ELL: variants seen among roughly 807,000 people sequenced by gnomAD.
ELL encodes the protein elongation factor for RNA polymerase II, also known as RNA polymerase II elongation factor ELL.
ELL carries 18 observed loss-of-function variants against 64.0 expected under a neutral mutation model. That is an observed-to-expected ratio of 0.28 (90% confidence interval 0.19 to 0.42). The LOEUF (loss-of-function observed/expected upper bound fraction) is 0.42. Ranked by LOEUF, ELL falls within the 10% of genes least tolerant of loss-of-function variation. The pLI, the probability that ELL is intolerant of heterozygous loss-of-function variation, is 1.00. For missense variants in ELL, 797 were observed against 870.4 expected, an observed-to-expected ratio of 0.92 and a Z score of 1.06; for synonymous variants, 399 against 376.2, an observed-to-expected ratio of 1.06 and a Z score of -0.70.
At chr19:18,470,183 T>C (rs1975035206) in intron 2 of ELL, among the ~76,000 whole-genome samples, 1 of 152,202 alleles carries the variant, frequency 6.6e-6, no homozygotes, top group Admixed American at 6.5e-5. Context: ...CCACCCCAGG[T>C]CTCTCTCAGT....
chr19:18,470,973 C>A (rs767194820), intron 2 of ELL: 1 of 456,622 alleles, frequency 2.2e-6, no homozygotes, highest in Non-Finnish European at 4.4e-6. Flanking sequence ...CCCTGGGCTG[C>A]ACCTGGAAGC....
chr19:18,477,711 GAA>G (rs1408373550), intron 1 of ELL, among the ~76,000 whole-genome samples: 1 of 152,218 alleles, frequency 6.6e-6, no homozygotes, highest in Non-Finnish European at 1.5e-5. Context: ...AATGCTGAGA[GAA>G]TCTTCTGTCA....
At chr19:18,483,471 T>C (rs1049059973) in intron 1 of ELL, among the ~76,000 whole-genome samples, 16 of 152,078 alleles carry the variant, frequency 1.1e-4, no homozygotes, top group Non-Finnish European at 1.3e-4. Flanking sequence ...TCCGTAGAAA[T>C]CACAGCCAAA....
intron 6 of ELL, among the ~76,000 whole-genome samples, chr19:18,456,162 A>C (rs954474657): frequency 4.6e-5 from 7 of 151,956 alleles, no homozygotes; most frequent in Non-Finnish European, 1.0e-4. Context: ...TGCCAAGAGC[A>C]GTTTGAGGTG....
intron 4 of ELL, among the ~76,000 whole-genome samples, chr19:18,463,598 G>C (rs936630997): frequency 6.6e-6 from 1 of 152,010 alleles, no homozygotes; most frequent in Non-Finnish European, 1.5e-5. Flanking sequence ...CTCTCAAAGT[G>C]CTGAGATTAC....
Position 18,443,193 on chromosome 19 carries a change from C to CCCCGGCCCGG in ELL, c.*1549_*1558dup, listed in dbSNP as rs761995049. ...GCCTCCTGGAGCCTGCTCGGCCCTT[C>CCCCGGCCCGG]CCCGGCCCGGCCCGGCCCAAAGAGA... On this transcript the variant is annotated 3_prime_UTR_variant, in exon 12 of 12. Transcript: ENST00000262809. The CCCCGGCCCGG allele has an allele frequency of 4.3e-6, 1 of 231,876 alleles. No individual in the cohort carries two copies. Among genetic ancestry groups the CCCCGGCCCGG allele is most frequent in the Non-Finnish European group, 8.5e-6 (1 of 117,166 alleles). The allele number at this position is 231,876 out of a possible 1,614,324, so 14.4% of individuals were successfully genotyped here. A position where few individuals can be genotyped will look rare whatever the true frequency, so the allele number is the denominator to read the frequency against.
rs1286877503 is a variant in ELL at position 18,446,737 on chromosome 19, C to T, written c.1532+11G>A. 1.2e-6 allele frequency: 2 copies of T among 1,613,888 alleles called. No homozygotes were observed. Among genetic ancestry groups the T allele is most frequent in the Non-Finnish European group, 1.7e-6 (2 of 1,179,950 alleles). The stretch of plus-strand genomic sequence containing the variant: ...GGAGGCCTGGCCTGCAGGGCCCAGA[C>T]AAACACTCACAGCAAGTAGTCAGGC... On this transcript the variant is annotated intron_variant, in intron 9 of 11. Transcript: ENST00000262809.
At chr19:18,462,223 T>C (rs1974834951) in intron 4 of ELL, among the ~76,000 whole-genome samples, 1 of 51,496 alleles carries the variant, frequency 1.9e-5, no homozygotes. Context: ...TGTGTGTGTA[T>C]GTAATCACCT....
intron 1 of ELL, among the ~76,000 whole-genome samples, chr19:18,474,818 T>C (rs907048144): frequency 4.6e-5 from 7 of 152,228 alleles, no homozygotes; most frequent in African/African-American, 1.7e-4. Context: ...AGCATCTGAA[T>C]GACCTTTGCT....
intron 1 of ELL, among the ~76,000 whole-genome samples, chr19:18,486,423 C>A (rs1600477400): frequency 6.6e-6 from 1 of 152,268 alleles, no homozygotes; most frequent in East Asian, 1.9e-4. Context: ...GTGGATGTGA[C>A]CCAGGTCAGA....
chr19:18,478,793 C>T (rs1020122062), intron 1 of ELL, among the ~76,000 whole-genome samples: 22 of 152,228 alleles, frequency 1.4e-4, no homozygotes, highest in Admixed American at 1.4e-3. Context: ...GATGCCTGCG[C>T]CCTGCGGTCA....
At chr19:18,490,315 C>A (rs1975501392) in intron 1 of ELL, among the ~76,000 whole-genome samples, 1 of 151,942 alleles carries the variant, frequency 6.6e-6, no homozygotes, top group Admixed American at 6.6e-5. Context: ...CTAAACGCAG[C>A]ATGTTTCCTG....
At chr19:18,521,432 C>A (rs1976271336) in intron 1 of ELL, among the ~76,000 whole-genome samples, 1 of 152,110 alleles carries the variant, frequency 6.6e-6, no homozygotes, top group African/African-American at 2.4e-5. Flanking sequence ...CCACCCCCTG[C>A]CGGGCACCCA....
chr19:18,470,924 C>CA, intron 2 of ELL: 1 of 455,932 alleles, frequency 2.2e-6, no homozygotes. Flanking sequence ...TCAGCACACA[C>CA]AGACACACGT....
chr19:18,494,610 C>T (rs913811794), intron 1 of ELL, among the ~76,000 whole-genome samples: 1 of 152,100 alleles, frequency 6.6e-6, no homozygotes, highest in Non-Finnish European at 1.5e-5. Context: ...AGGCTGGTCT[C>T]GATAATCTGA....
At chr19:18,490,779 G>A (rs1029479693) in intron 1 of ELL, among the ~76,000 whole-genome samples, 1 of 152,116 alleles carries the variant, frequency 6.6e-6, no homozygotes, top group Non-Finnish European at 1.5e-5. Flanking sequence ...CTCCCAGCAG[G>A]TACCCACTGC....
intron 1 of ELL, among the ~76,000 whole-genome samples, chr19:18,490,601 C>G (rs1484409991): frequency 2.0e-5 from 3 of 152,194 alleles, no homozygotes; most frequent in Non-Finnish European, 4.4e-5. Flanking sequence ...TCAGAGTGTG[C>G]TGGATTTTGG....
At chr19:18,474,272 G>T (rs1415338103) in intron 1 of ELL, among the ~76,000 whole-genome samples, 1 of 152,206 alleles carries the variant, frequency 6.6e-6, no homozygotes, top group Admixed American at 6.5e-5. Flanking sequence ...CTGAGCCATG[G>T]GTCTGCTTGG....
intron 1 of ELL, among the ~76,000 whole-genome samples, chr19:18,479,187 C>T (rs1975239882): frequency 6.6e-6 from 1 of 152,144 alleles, no homozygotes; most frequent in Non-Finnish European, 1.5e-5. Flanking sequence ...GGGGACAGTC[C>T]CCACCATCTG....
Sources: gnomAD v4.1 joint callset for allele counts (sites outside exome capture counted in the v4.1 genomes callset) on GRCh38, gnomAD v4.1.1 for gene constraint, MANE v1.5 for transcripts, NCBI Gene and HGNC (gene_info 2026-07-23, HGNC 2026-07-21) for gene names.